Variants in CDH20 observed in about 807,000 individuals in gnomAD.
CDH20 encodes the protein cadherin-20.
In CDH20, 29 loss-of-function variants were observed where a neutral mutation model predicts 74.2. The observed-to-expected ratio is 0.39, with a 90% CI of 0.29 to 0.53. The LOEUF is 0.53. CDH20 is among the 20% of genes least tolerant of loss of function. The pLI, the probability that CDH20 is intolerant of heterozygous loss-of-function variation, is 0.69. For missense variants in CDH20, 988 were observed against 1,048.3 expected, an observed-to-expected ratio of 0.94 and a Z score of 0.79; for synonymous variants, 469 against 405.4, an observed-to-expected ratio of 1.16 and a Z score of -1.88.
intron 9 of CDH20, among the ~76,000 whole-genome samples, chr18:61,543,302 T>C (rs1245111380): frequency 1.3e-5 from 2 of 152,170 alleles, no homozygotes; most frequent in Non-Finnish European, 2.9e-5. Context: ...CTGGTTCCTA[T>C]GGTGGTAGAA....
At chr18:61,382,193 AG>A (rs1911454487) in intron 1 of CDH20, among the ~76,000 whole-genome samples, 1 of 152,196 alleles carries the variant, frequency 6.6e-6, no homozygotes, top group African/African-American at 2.4e-5. Flanking sequence ...CCCTTCAAAA[AG>A]TTTCTTATAG....
intron 1 of CDH20, among the ~76,000 whole-genome samples, chr18:61,342,147 T>C (rs1161576654): frequency 6.6e-6 from 1 of 152,220 alleles, no homozygotes; most frequent in African/African-American, 2.4e-5. Flanking sequence ...ACAGATTTCT[T>C]CATGAAATAC....
At chr18:61,487,675 G>A (rs1028944598) in intron 1 of CDH20, among the ~76,000 whole-genome samples, 3 of 152,118 alleles carry the variant, frequency 2.0e-5, no homozygotes, top group African/African-American at 7.2e-5. Flanking sequence ...CTAGTGTGTA[G>A]GAGGCCAAAG....
In CDH20 at chr18:61,490,650, C is replaced by A; in HGVS notation, c.97C>A (p.Leu33Ile). 3 of 1,614,130 alleles carry A rather than the reference C, an allele frequency of 1.9e-6. No individual in the cohort carries two copies. The highest frequency in any genetic ancestry group is 2.5e-6 in the Non-Finnish European group (3 of 1,180,032). The change falls in exon 2 of 12, where the codon CTC becomes ATC. Residue 33 changes from leucine to isoleucine, a missense_variant. Around this residue, in one of 2 missense-constraint regions of CDH20, gnomAD observed 613 missense variants for 755.2 expected, o/e 0.81. Coordinates refer to ENST00000262717, the MANE Select transcript of CDH20 (RefSeq NM_031891.4). Reference protein sequence around the residue: ...WGLMDLTTTVLSDTPTPQGEL... With the variant: ...WGLMDLTTTVISDTPTPQGEL... The stretch of plus-strand genomic sequence containing the variant: ...GCTGATGGACCTTACGACCACCGTT[C>A]TCTCGGACACCCCAACACCACAAGG...
At chr18:61,475,519 C>T (rs1910341278) in intron 1 of CDH20, among the ~76,000 whole-genome samples, 1 of 152,208 alleles carries the variant, frequency 6.6e-6, no homozygotes, top group Non-Finnish European at 1.5e-5. Flanking sequence ...CTGTTTATCT[C>T]CTAGTACTTC....
intron 8 of CDH20, among the ~76,000 whole-genome samples, chr18:61,537,966 C>A (rs1479172706): frequency 6.6e-6 from 1 of 151,876 alleles, no homozygotes; most frequent in African/African-American, 2.4e-5. Flanking sequence ...GGGGTGGTGA[C>A]CAAAACAGAA....
intron 9 of CDH20, among the ~76,000 whole-genome samples, chr18:61,544,287 C>T (rs1913147835): frequency 6.6e-6 from 1 of 152,234 alleles, no homozygotes; most frequent in Non-Finnish European, 1.5e-5. Context: ...GTCTAGGACT[C>T]CTGAAGCCCA....
rs141660425 is a variant in CDH20 at position 61,393,602 on chromosome 18, G to T, written c.-153+59775G>T. ...ATACAAATTATATAAATTGTGTATA[G>T]CTGTAGGCAGATTGGCACCTGTGGA... On this transcript the variant is annotated intron_variant, in intron 1 of 11. Coordinates refer to ENST00000262717, the MANE Select transcript of CDH20 (RefSeq NM_031891.4). Among the ~76,000 whole-genome samples, 314 of 152,270 alleles carry T rather than the reference G, an allele frequency of 2.1e-3. 3 individuals are homozygous for T. The highest frequency in any genetic ancestry group is 6.9e-3 in the African/African-American group (285 of 41,574).
chr18:61,347,321 C>CAT (rs1286257844), intron 1 of CDH20, among the ~76,000 whole-genome samples: 2 of 26,436 alleles, frequency 7.6e-5, no homozygotes, highest in Admixed American at 4.3e-4. Context: ...TATATATATA[C>CAT]ACACACACAC....
intron 1 of CDH20, among the ~76,000 whole-genome samples, chr18:61,411,285 A>AAC (rs1912492057): frequency 2.0e-5 from 3 of 152,066 alleles, no homozygotes; most frequent in Non-Finnish European, 4.4e-5. Flanking sequence ...GTGAAAAGGG[A>AAC]ACACTTCTAC....
Position 61,464,687 on chromosome 18 carries a change from T to C in CDH20, c.-152-25715T>C, listed in dbSNP as rs550835113. Among the ~76,000 whole-genome samples the C allele has an allele frequency of 4.5e-4, 68 of 152,298 alleles. 1 individual carries two copies. The highest frequency in any genetic ancestry group is 1.5e-3 in the African/African-American group (63 of 41,568). On this transcript the variant is annotated intron_variant, in intron 1 of 11. Coordinates refer to ENST00000262717, the MANE Select transcript of CDH20 (RefSeq NM_031891.4). Reference sequence around the variant, plus strand: ...GATCAAAACACTGGCTAGAAGTGAATGTGGGCTGTGACTCAAAGCCACAGG... The same window carrying C: ...GATCAAAACACTGGCTAGAAGTGAACGTGGGCTGTGACTCAAAGCCACAGG...
chr18:61,510,482 T>G (rs1299243269), intron 6 of CDH20, among the ~76,000 whole-genome samples: 1 of 152,230 alleles, frequency 6.6e-6, no homozygotes, highest in Non-Finnish European at 1.5e-5. Flanking sequence ...AACATTAAAA[T>G]GTAACTCAAG....
chr18:61,432,244 C>CAAA (rs552208549), intron 1 of CDH20, among the ~76,000 whole-genome samples: 36 of 81,746 alleles, frequency 4.4e-4, no homozygotes, highest in African/African-American at 1.1e-3. Flanking sequence ...AACTCTATCT[C>CAAA]AAAAAAAAAA....
intron 1 of CDH20, among the ~76,000 whole-genome samples, chr18:61,405,389 C>A (rs1912298405): frequency 3.3e-5 from 5 of 151,992 alleles, no homozygotes. Context: ...AGTCTGAGAC[C>A]AGCCTGGGCA....
At chr18:61,403,596 A>T (rs1022325472) in intron 1 of CDH20, among the ~76,000 whole-genome samples, 3 of 152,178 alleles carry the variant, frequency 2.0e-5, no homozygotes, top group African/African-American at 7.2e-5. Flanking sequence ...GCTGAGAAGC[A>T]CTGTAGCAAA....
At chr18:61,531,058 C>T (rs554837506) in intron 7 of CDH20, among the ~76,000 whole-genome samples, 5 of 148,500 alleles carry the variant, frequency 3.4e-5, no homozygotes, top group Non-Finnish European at 6.1e-5. Flanking sequence ...CCAATTTCCT[C>T]GTTTTCCATC....
chr18:61,486,111 T>C (rs1267881147), intron 1 of CDH20, among the ~76,000 whole-genome samples: 1 of 152,100 alleles, frequency 6.6e-6, no homozygotes, highest in African/African-American at 2.4e-5. Context: ...CCATTTTACT[T>C]AGGAGTTAAA....
chr18:61,500,563 A>G (rs556870498), intron 4 of CDH20, 61 bp downstream of exon 4: 7 of 1,534,428 alleles, frequency 4.6e-6, no homozygotes, highest in Non-Finnish European at 6.2e-6. Flanking sequence ...AACTGCTGCT[A>G]TGACAGACCC....
chr18:61,472,213 A>G (rs1304202549), intron 1 of CDH20, among the ~76,000 whole-genome samples: 4 of 151,906 alleles, frequency 2.6e-5, no homozygotes, highest in Non-Finnish European at 1.5e-5. Context: ...CTAACTTAAG[A>G]GATGCCTTTT....
Sources: gnomAD v4.1 joint callset for allele counts (sites outside exome capture counted in the v4.1 genomes callset) on GRCh38, gnomAD v4.1.1 for gene constraint, gnomAD v4.1.1 regional missense constraint, MANE v1.5 for transcripts, NCBI Gene and HGNC (gene_info 2026-07-23, HGNC 2026-07-21) for gene names.